The following KIF26B variants were observed in gnomAD, a reference collection of about 807,000 sequenced individuals.
KIF26B encodes the protein kinesin family member 26B.
In KIF26B, 63 loss-of-function variants were observed where a neutral mutation model predicts 151.2. That is an observed-to-expected ratio of 0.42 (90% CI 0.34 to 0.51). KIF26B has a LOEUF of 0.51. Among genes scored for constraint, KIF26B ranks in the 20% least tolerant of loss-of-function variants. KIF26B has a pLI of 0.07. For missense variants in KIF26B, 2,813 were observed against 2,913.6 expected (o/e 0.97, Z 0.79); for synonymous variants, 1,357 against 1,262.1 (o/e 1.08, Z -1.59).
At chr1:245,209,083 C>T (rs554388450) in intron 2 of KIF26B, among the ~76,000 whole-genome samples, 7 of 152,214 alleles carry the variant, frequency 4.6e-5, no homozygotes, top group East Asian at 1.9e-4. Flanking sequence ...TCTATAGAAC[C>T]GATAACAGAG....
intron 4 of KIF26B, among the ~76,000 whole-genome samples, chr1:245,466,185 ATGTTTGTT>A (rs3068316): frequency 0.81 from 122,538 of 151,188 alleles, 49,882 homozygotes; most frequent in African/African-American, 0.87. Context: ...ATCGATGGGA[ATGTTTGTT>A]TGTTTGTTTG....
At chr1:245,242,238 C>T (rs552078399) in intron 2 of KIF26B, among the ~76,000 whole-genome samples, 87 of 152,298 alleles carry the variant, frequency 5.7e-4, no homozygotes, top group African/African-American at 1.9e-3. Flanking sequence ...GCCTTCCCCC[C>T]CCAAAATAGG....
At chr1:245,646,734 A>G (rs887122552) in intron 10 of KIF26B, among the ~76,000 whole-genome samples, 1 of 152,198 alleles carries the variant, frequency 6.6e-6, no homozygotes, top group Admixed American at 6.5e-5. Flanking sequence ...TATTATAAGT[A>G]TGCACCCCAA....
At position 245,290,642 on chromosome 1, in the gene KIF26B, A is replaced by G. The variant is rs893481206; in HGVS notation, c.466-76192A>G. On this transcript the variant is annotated intron_variant, in intron 2 of 14. Transcript: ENST00000407071. ...TTGGTAGGATTTGGCCGGCTTCTTT[A>G]CTGCAACCTGTTTTATCGGCAGGGT... Among the ~76,000 whole-genome samples the G allele has an allele frequency of 2.6e-5, 4 of 152,160 alleles. No homozygotes were observed. In the East Asian group the frequency reaches 7.7e-4, roughly 29 times the overall value.
rs143584092 is a variant in KIF26B at position 245,574,204 on chromosome 1, C to A, written c.1351-28373C>A. ...CTGTTGTCCAGGCTGGAGTGAGTGG[C>A]GTGATCTCGGCTCACTGCAAACTCC... On this transcript the variant is annotated intron_variant, in intron 5 of 14. Coordinates refer to ENST00000407071, the MANE Select transcript of KIF26B (RefSeq NM_018012.4). 7.2e-3 allele frequency among the ~76,000 whole-genome samples: 1,097 copies of A among 152,174 alleles called. 17 individuals carry two copies. Among genetic ancestry groups the A allele is most frequent in the African/African-American group, 0.025 (1,025 of 41,518 alleles).
At chr1:245,369,752 G>A (rs1309219135) in intron 3 of KIF26B, among the ~76,000 whole-genome samples, 1 of 152,210 alleles carries the variant, frequency 6.6e-6, no homozygotes, top group Non-Finnish European at 1.5e-5. Context: ...CCCAAAGTAA[G>A]CTGCCGACAT....
intron 2 of KIF26B, among the ~76,000 whole-genome samples, chr1:245,298,337 A>C (rs1428374650): frequency 6.6e-6 from 1 of 152,238 alleles, no homozygotes. Flanking sequence ...AGCGTGGAGA[A>C]AGAATGAAAG....
chr1:245,303,702 C>A (rs575635662), intron 2 of KIF26B, among the ~76,000 whole-genome samples: 16 of 152,268 alleles, frequency 1.1e-4, no homozygotes, highest in African/African-American at 3.4e-4. Flanking sequence ...ACATGGAATT[C>A]CCCCAAAATC....
chr1:245,288,503 G>T (rs909974738), intron 2 of KIF26B, among the ~76,000 whole-genome samples: 2 of 152,190 alleles, frequency 1.3e-5, no homozygotes, highest in African/African-American at 4.8e-5. Context: ...GGTGGCACTC[G>T]TGTGGAAGAA....
chr1:245,285,537 A>G (rs1671150176), intron 2 of KIF26B, among the ~76,000 whole-genome samples: 1 of 151,544 alleles, frequency 6.6e-6, no homozygotes, highest in Non-Finnish European at 1.5e-5. Context: ...CCATTCTCAA[A>G]CGTTTACATT....
chr1:245,302,805 A>G (rs1671449740), intron 2 of KIF26B, among the ~76,000 whole-genome samples: 1 of 152,052 alleles, frequency 6.6e-6, no homozygotes, highest in Non-Finnish European at 1.5e-5. Context: ...CCTGCCCAAC[A>G]TGGTGAAACC....
chr1:245,534,182 A>G (rs1214532661), intron 4 of KIF26B, among the ~76,000 whole-genome samples: 2 of 151,028 alleles, frequency 1.3e-5, no homozygotes, highest in African/African-American at 2.4e-5. Context: ...TTTATTTCTG[A>G]GACAGAGTCT....
chr1:245,476,088 G>T (rs1660032254), intron 4 of KIF26B, among the ~76,000 whole-genome samples: 1 of 151,928 alleles, frequency 6.6e-6, no homozygotes, highest in Admixed American at 6.6e-5. Context: ...AAGGAATAAA[G>T]TGCTGATGCA....
chr1:245,687,035 T>A lies in KIF26B; in HGVS notation c.4052T>A (p.Phe1351Tyr), dbSNP rs1393970119. The A allele has an allele frequency of 5.0e-6, 8 of 1,613,220 alleles. No individual in the cohort carries two copies. Among genetic ancestry groups the A allele is most frequent in the Non-Finnish European group, 5.9e-6 (7 of 1,179,804 alleles). The change falls in exon 12 of 15, where the codon TTC becomes TAC. Residue 1351 changes from phenylalanine to tyrosine, a missense_variant. By Grantham distance (22) the Phe-to-Tyr change is conservative. Transcript: ENST00000407071. This position sits in a 1 kb window ranked among gnomAD's most constrained non-coding sequence, Gnocchi z 4.9. ...CTGTCTGAGATGGGAGATGACTCTT[T>A]CAACAAAGCAGCCCCCATCAAAGGC... ...LILSEMGDDS[F>Y]NKAAPIKGCK...
chr1:245,268,470 AAATAATAAT>A (rs59590596), intron 2 of KIF26B, among the ~76,000 whole-genome samples: 11,767 of 134,610 alleles, frequency 0.087, 734 homozygotes, highest in African/African-American at 0.17. Context: ...CTCCATCTCC[AAATAATAAT>A]AATAATAATA....
At chr1:245,442,224 C>CT (rs1231028050) in intron 4 of KIF26B, among the ~76,000 whole-genome samples, 2 of 152,254 alleles carry the variant, frequency 1.3e-5, no homozygotes, top group African/African-American at 4.8e-5. Flanking sequence ...GCCTGGTAGC[C>CT]TTTTTTCTGT....
intron 2 of KIF26B, among the ~76,000 whole-genome samples, chr1:245,286,048 G>A (rs1671160263): frequency 6.6e-6 from 1 of 150,936 alleles, no homozygotes. Context: ...AAGAACATCA[G>A]GAGAATGCCA....
intron 5 of KIF26B, among the ~76,000 whole-genome samples, chr1:245,594,444 G>C (rs546482876): frequency 6.6e-6 from 1 of 152,142 alleles, no homozygotes; most frequent in South Asian, 2.1e-4. Flanking sequence ...CCCATTGCTT[G>C]TTTTGTCAGG....
chr1:245,329,713 T>C (rs992308045), intron 2 of KIF26B, among the ~76,000 whole-genome samples: 5 of 152,222 alleles, frequency 3.3e-5, no homozygotes, highest in African/African-American at 1.2e-4. Flanking sequence ...GAAGGTTTGC[T>C]AGATGATATC....
Sources: allele counts gnomAD v4.1 joint callset (sites outside exome capture counted in the v4.1 genomes callset), GRCh38; gene constraint gnomAD v4.1.1; non-coding constraint Gnocchi (gnomAD v3.1); transcripts MANE v1.5; gene names NCBI Gene and HGNC (gene_info 2026-07-23, HGNC 2026-07-21).